PHLPP2: variants seen among roughly 807,000 people sequenced by gnomAD.
PHLPP2 encodes PH domain and leucine rich repeat protein phosphatase 2, also known as PH domain leucine-rich repeat-containing protein phosphatase 2.
PHLPP2 carries 66 observed loss-of-function variants against 124.9 expected under a neutral mutation model. The ratio of observed to expected loss-of-function variants is 0.53; its 90% CI spans 0.43 to 0.65. The LOEUF (loss-of-function observed/expected upper bound fraction) is 0.65. Among genes scored for constraint, PHLPP2 ranks in the 30% least tolerant of loss-of-function variants. The probability of loss-of-function intolerance (pLI) is 0.00; values close to 1 mark genes in which losing one functional copy is unlikely to be tolerated. For synonymous variants in PHLPP2, 681 were observed against 624.7 expected (o/e 1.09, Z -1.34); for missense variants, 1,685 against 1,600.4 (o/e 1.05, Z -0.90).
chr16:71,672,778 T>C (rs976878189), intron 9 of PHLPP2, among the ~76,000 whole-genome samples: 2 of 152,190 alleles, frequency 1.3e-5, no homozygotes, highest in African/African-American at 4.8e-5. Flanking sequence ...AACTGCCCCA[T>C]GTTTCCCTTT....
Position 71,648,097 on chromosome 16 carries a change from C to G in PHLPP2, c.*793G>C, listed in dbSNP as rs2044666221. 1 of 152,638 alleles carries G rather than the reference C, an allele frequency of 6.6e-6. No individual in the cohort carries two copies. Among genetic ancestry groups the G allele is most frequent in the African/African-American group, 2.4e-5 (1 of 41,450 alleles). The allele number at this position is 152,638 out of a possible 1,614,324, so 9.5% of individuals were successfully genotyped here. A position where few individuals can be genotyped will look rare whatever the true frequency, so the allele number is the denominator to read the frequency against. On this transcript the variant is annotated 3_prime_UTR_variant, in exon 19 of 19. Coordinates refer to ENST00000568954, the MANE Select transcript of PHLPP2 (RefSeq NM_015020.3). ...ACATCATTTTGATAGGCTGTATTCT[C>G]GTAGAGAAGAATGAAAAGCCATGTG...
chr16:71,710,881 C>T (rs1048075793), intron 2 of PHLPP2, among the ~76,000 whole-genome samples: 2 of 152,138 alleles, frequency 1.3e-5, no homozygotes, highest in Non-Finnish European at 2.9e-5. Flanking sequence ...TAGTAACTGT[C>T]GAAGCCAGGA....
intron 1 of PHLPP2, among the ~76,000 whole-genome samples, chr16:71,722,524 G>C (rs2045404937): frequency 6.6e-6 from 1 of 152,100 alleles, no homozygotes. Flanking sequence ...TGGATTCACT[G>C]GGTTCTATTA....
chr16:71,687,712 T>C (rs1028990718), intron 4 of PHLPP2, among the ~76,000 whole-genome samples: 9 of 152,222 alleles, frequency 5.9e-5, no homozygotes, highest in African/African-American at 2.2e-4. Context: ...TATCCTCTTA[T>C]CCCGAGTGTA....
At chr16:71,672,168 T>C in intron 10 of PHLPP2, 94 bp downstream of exon 10, 6 of 834,792 alleles carry the variant, frequency 7.2e-6, no homozygotes, top group South Asian at 1.5e-5. Flanking sequence ...TATTTCAAAA[T>C]ACTTAGATTT....
intron 9 of PHLPP2, among the ~76,000 whole-genome samples, chr16:71,675,027 T>C (rs1011893600): frequency 6.6e-6 from 1 of 152,196 alleles, no homozygotes; most frequent in Admixed American, 6.5e-5. Flanking sequence ...TCACAAAAAG[T>C]GATAAACAAT....
chr16:71,654,075 G>A (rs1482003923), intron 17 of PHLPP2, among the ~76,000 whole-genome samples: 2 of 151,904 alleles, frequency 1.3e-5, no homozygotes, highest in African/African-American at 2.4e-5. Flanking sequence ...GGCACCTGTA[G>A]TCCCAGCTAC....
chr16:71,650,097 C>T (rs929252693), intron 18 of PHLPP2, 53 bp from the exon 19 acceptor site: 181 of 1,388,632 alleles, frequency 1.3e-4, no homozygotes, highest in Non-Finnish European at 1.7e-4. Context: ...TGAGAGCCAA[C>T]TTATCTTTCT....
At position 71,649,498 on chromosome 16, in the gene PHLPP2, G is replaced by A. The variant is rs375803119; in HGVS notation, c.3364C>T (p.Pro1122Ser). The stretch of plus-strand genomic sequence containing the variant: ...TGAAACAGCCCAGAGGTGGGTGTTG[G>A]GTGGAGGCTGCAGCGCCGCTCTGGC... ...PRPERRCSLH[P>S]TPTSGLFQRQ... The change falls in exon 19 of 19, where the codon CCA (proline) becomes TCA (serine). Residue 1122 changes from proline to serine, a missense_variant. Transcript: ENST00000568954. The A allele has an allele frequency of 6.2e-7, 1 of 1,614,020 alleles. No individual in the cohort carries two copies.
At chr16:71,651,757 G>A (rs1341598522) in intron 18 of PHLPP2, among the ~76,000 whole-genome samples, 5 of 152,094 alleles carry the variant, frequency 3.3e-5, no homozygotes, top group Non-Finnish European at 7.3e-5. Flanking sequence ...ACAGTCAACT[G>A]ATCTCTGAAA....
At chr16:71,686,148 G>A (rs2045053390) in intron 4 of PHLPP2, among the ~76,000 whole-genome samples, 1 of 152,166 alleles carries the variant, frequency 6.6e-6, no homozygotes, top group Admixed American at 6.6e-5. Context: ...CAGTCTTACT[G>A]AGGTATAACC....
chr16:71,705,242 C>G (rs1212036559), intron 2 of PHLPP2, among the ~76,000 whole-genome samples: 4 of 152,146 alleles, frequency 2.6e-5, no homozygotes, highest in Non-Finnish European at 5.9e-5. Context: ...AAGGCACCTT[C>G]CTAATATAAT....
chr16:71,676,559 G>A lies in PHLPP2; in HGVS notation c.1359C>T (p.Asp453=). The A allele has an allele frequency of 6.2e-7, 1 of 1,613,926 alleles. No homozygotes were observed. The highest frequency in any genetic ancestry group is 8.5e-7 in the Non-Finnish European group (1 of 1,179,770). Residue 453 remains aspartate (D), a synonymous_variant, in exon 9 of 19, where the codon GAC becomes GAT. Coordinates refer to ENST00000568954, the MANE Select transcript of PHLPP2 (RefSeq NM_015020.3). The part of the protein sequence containing the change: ...HVDLRDNRLT[D]LDLSSLCSLE... Reference sequence around the variant, plus strand: ...AGCTGCATAAGGAGCTAAGATCCAAGTCAGTCAGTCGGTTGTCCCGCAGAT... The same window carrying A: ...AGCTGCATAAGGAGCTAAGATCCAAATCAGTCAGTCGGTTGTCCCGCAGAT...
In PHLPP2 at chr16:71,684,482, T is replaced by G. The variant is rs764819599; in HGVS notation, c.729A>C (p.Ala243=). Residue 243 remains alanine, a synonymous_variant, in exon 5 of 19, where the codon GCA becomes GCC. Transcript: ENST00000568954. The part of the protein sequence containing the change: ...LAEYQRWQRQ[A]SKVVSQRIST... The stretch of plus-strand genomic sequence containing the variant: ...ACATCCCATTACTTTTCACCTTGGA[T>G]GCTTGCCGTTGCCATCGCTGGTACT... 14 of 1,614,008 alleles carry G rather than the reference T, an allele frequency of 8.7e-6. No homozygotes were observed. In the Admixed American group the frequency reaches 1.2e-4, roughly 13 times the overall value.
chr16:71,678,418 G>A (rs9927336), intron 8 of PHLPP2: 75,596 of 219,570 alleles, frequency 0.34, 14,416 homozygotes, highest in East Asian at 0.75. Context: ...TGGGTGGACT[G>A]CTCGAGTCCA....
At chr16:71,658,397 A>T in intron 14 of PHLPP2, 34 bp from the exon 15 acceptor site, 1 of 1,595,232 alleles carries the variant, frequency 6.3e-7, no homozygotes, top group Non-Finnish European at 8.6e-7. Flanking sequence ...AAGAAAATAC[A>T]TCACAGAGAC....
intron 9 of PHLPP2, 106 bp from the exon 10 acceptor site, chr16:71,672,428 T>A: frequency 5.0e-6 from 4 of 799,934 alleles, no homozygotes; most frequent in Admixed American, 2.1e-5. Flanking sequence ...AGAAAACTGA[T>A]GTATTCTACC....
intron 1 of PHLPP2, chr16:71,715,376 T>C (rs1327425883): frequency 6.6e-6 from 1 of 151,058 alleles, no homozygotes; most frequent in Non-Finnish European, 1.5e-5. Context: ...CTCTCAAAAA[T>C]AGAAATTTTA....
chr16:71,687,675 A>G (rs1422547345), intron 4 of PHLPP2, among the ~76,000 whole-genome samples: 1 of 152,152 alleles, frequency 6.6e-6, no homozygotes, highest in Non-Finnish European at 1.5e-5. Flanking sequence ...AATTTTCCTA[A>G]TAAATTTTAA....
Sources: allele counts gnomAD v4.1 joint callset (sites outside exome capture counted in the v4.1 genomes callset), GRCh38; gene constraint gnomAD v4.1.1; transcripts MANE v1.5; gene names NCBI Gene and HGNC (gene_info 2026-07-23, HGNC 2026-07-21).